The following CDK14 variants were observed in gnomAD, a reference collection of about 807,000 sequenced individuals.
CDK14 encodes cyclin dependent kinase 14.
In CDK14, 34 loss-of-function variants were observed where a neutral mutation model predicts 60.7. The observed-to-expected ratio is 0.56, with a 90% CI of 0.43 to 0.75. The LOEUF is 0.75. CDK14 is among the 30% of genes least tolerant of loss of function. The pLI, the probability that CDK14 is intolerant of heterozygous loss-of-function variation, is 0.00. For missense variants in CDK14, 482 were observed against 564.1 expected, an observed-to-expected ratio of 0.85 and a Z score of 1.47; for synonymous variants, 197 against 203.7, an observed-to-expected ratio of 0.97 and a Z score of 0.28.
At chr7:90,733,283 G>T (rs895832066) in intron 3 of CDK14, among the ~76,000 whole-genome samples, 1 of 152,136 alleles carries the variant, frequency 6.6e-6, no homozygotes, top group Non-Finnish European at 1.5e-5. Context: ...GTGTATGTGT[G>T]ATGTGGTGCT....
chr7:90,943,181 C>T (rs559564964), intron 8 of CDK14, among the ~76,000 whole-genome samples: 1 of 152,244 alleles, frequency 6.6e-6, no homozygotes, highest in South Asian at 2.1e-4. Context: ...AATCCCCTTT[C>T]CAAGTGTGTT....
chr7:90,651,065 A>G (rs986857879), intron 2 of CDK14, among the ~76,000 whole-genome samples: 1 of 152,094 alleles, frequency 6.6e-6, no homozygotes, highest in Non-Finnish European at 1.5e-5. Context: ...CCATTTTCAC[A>G]ATACTGATTC....
intron 5 of CDK14, among the ~76,000 whole-genome samples, chr7:90,793,514 G>T (rs1032039515): frequency 6.6e-6 from 1 of 152,200 alleles, no homozygotes; most frequent in African/African-American, 2.4e-5. Flanking sequence ...GTTCCAGACA[G>T]GTATAGAAAA....
chr7:90,846,948 G>A (rs1205748420), intron 5 of CDK14, among the ~76,000 whole-genome samples: 1 of 152,132 alleles, frequency 6.6e-6, no homozygotes, highest in Non-Finnish European at 1.5e-5. Flanking sequence ...CCTGTGTGGA[G>A]TAGAGGCAAG....
At chr7:91,037,121 A>G (rs575420963) in intron 10 of CDK14, among the ~76,000 whole-genome samples, 40 of 152,240 alleles carry the variant, frequency 2.6e-4, no homozygotes, top group Non-Finnish European at 4.3e-4. Flanking sequence ...ATCTTGAACG[A>G]TCAATTAATA....
intron 11 of CDK14, among the ~76,000 whole-genome samples, chr7:91,069,556 A>C (rs1798077133): frequency 6.6e-6 from 1 of 152,150 alleles, no homozygotes; most frequent in African/African-American, 2.4e-5. Context: ...ATTTAAATTT[A>C]AAAAAAGCAG....
intron 5 of CDK14, among the ~76,000 whole-genome samples, chr7:90,812,018 G>T (rs1789142539): frequency 6.6e-6 from 1 of 152,182 alleles, no homozygotes; most frequent in Non-Finnish European, 1.5e-5. Flanking sequence ...CACTGTTGGT[G>T]AGACTGTAAA....
chr7:90,624,363 G>A (rs1255343148), intron 2 of CDK14, among the ~76,000 whole-genome samples: 1 of 152,214 alleles, frequency 6.6e-6, no homozygotes, highest in Non-Finnish European at 1.5e-5. Context: ...TAACATTAAT[G>A]ACAAATAATG....
At chr7:91,137,693 GGT>G (rs1197264075) in intron 14 of CDK14, among the ~76,000 whole-genome samples, 49,898 of 96,832 alleles carry the variant, frequency 0.52, 10,250 homozygotes, top group Non-Finnish European at 0.59. Context: ...ACTTGTGGGG[GGT>G]GTGTGTGTGT....
At chr7:90,954,070 T>C (rs1021978420) in intron 8 of CDK14, among the ~76,000 whole-genome samples, 23 of 152,200 alleles carry the variant, frequency 1.5e-4, no homozygotes, top group African/African-American at 5.3e-4. Flanking sequence ...TGTGGTATAA[T>C]CTGTACATTT....
intron 7 of CDK14, among the ~76,000 whole-genome samples, chr7:90,905,032 T>G (rs971183976): frequency 1.3e-5 from 2 of 152,158 alleles, no homozygotes; most frequent in African/African-American, 4.8e-5. Context: ...GTTACATTCT[T>G]TCTCAGGAAG....
chr7:91,113,469 A>G (rs938782315), intron 13 of CDK14, among the ~76,000 whole-genome samples: 1 of 152,196 alleles, frequency 6.6e-6, no homozygotes. Flanking sequence ...TTTCTTCCAG[A>G]GTGTGAAACA....
At chr7:90,852,955 G>T (rs1790699133) in intron 5 of CDK14, among the ~76,000 whole-genome samples, 1 of 152,168 alleles carries the variant, frequency 6.6e-6, no homozygotes. Flanking sequence ...TTTCAGCTTT[G>T]ACTTTGTTTC....
intron 14 of CDK14, among the ~76,000 whole-genome samples, chr7:91,146,561 A>T (rs56078900): frequency 0.016 from 2,493 of 152,292 alleles, 70 homozygotes; most frequent in African/African-American, 0.056. Flanking sequence ...CTAATTGTTG[A>T]TGGGGAGAGG....
intron 6 of CDK14, among the ~76,000 whole-genome samples, chr7:90,872,775 G>A (rs952524366): frequency 2.0e-5 from 3 of 152,122 alleles, no homozygotes; most frequent in African/African-American, 4.8e-5. Flanking sequence ...TAAGATAGAA[G>A]TGTTTCTGAT....
chr7:90,667,162 T>G (rs1211641044), intron 2 of CDK14, among the ~76,000 whole-genome samples: 1 of 152,232 alleles, frequency 6.6e-6, no homozygotes, highest in Non-Finnish European at 1.5e-5. Flanking sequence ...ATTTCACTCT[T>G]ATAGTCATCA....
chr7:90,735,241 C>T (rs559279717), intron 3 of CDK14, among the ~76,000 whole-genome samples: 11 of 152,222 alleles, frequency 7.2e-5, no homozygotes, highest in East Asian at 1.9e-4. Context: ...TATGAGTTTC[C>T]GTCGGTCCCC....
intron 5 of CDK14, among the ~76,000 whole-genome samples, chr7:90,813,102 T>G (rs918676648): frequency 2.0e-5 from 3 of 152,218 alleles, no homozygotes; most frequent in African/African-American, 7.2e-5. Flanking sequence ...ATAACATGTT[T>G]GAACCTCATA....
At chr7:90,708,582 A>G (rs17623479) in intron 2 of CDK14, among the ~76,000 whole-genome samples, 2,209 of 152,288 alleles carry the variant, frequency 0.015, 21 homozygotes, top group Middle Eastern at 0.027. Flanking sequence ...GTGTCATTCA[A>G]AATGATGAAG....
Sources: allele counts gnomAD v4.1 joint callset (sites outside exome capture counted in the v4.1 genomes callset), GRCh38; gene constraint gnomAD v4.1.1; transcripts MANE v1.5; gene names NCBI Gene and HGNC (gene_info 2026-07-23, HGNC 2026-07-21).